Variants in GRIA1 observed in about 807,000 individuals in gnomAD.
The protein encoded by GRIA1 is glutamate receptor 1.
In GRIA1, 31 loss-of-function variants were observed where a neutral mutation model predicts 99.2. The ratio of observed to expected loss-of-function variants is 0.31; its 90% confidence interval spans 0.23 to 0.42. The LOEUF (loss-of-function observed/expected upper bound fraction) is 0.42, where lower values mean the gene tolerates loss of function less well. GRIA1 is among the 10% of genes least tolerant of loss of function. The probability of loss-of-function intolerance (pLI) is 1.00; values close to 1 mark genes in which losing one functional copy is unlikely to be tolerated. For missense variants in GRIA1, 782 were observed against 1,157.5 expected (o/e 0.68, Z 4.71); for synonymous variants, 438 against 432.4 (o/e 1.01, Z -0.16).
upstream of GRIA1, chr5:153,490,274 A>G: frequency 5.7e-6 from 1 of 175,502 alleles, no homozygotes; most frequent in South Asian, 1.4e-4. Flanking sequence ...CTACTGACTT[A>G]CAGCTGAACC....
chr5:153,712,266 G>A (rs373458628), intron 11 of GRIA1, among the ~76,000 whole-genome samples: 1 of 152,072 alleles, frequency 6.6e-6, no homozygotes, highest in African/African-American at 2.4e-5. Context: ...TGGCCAGGCT[G>A]GTCTTGAACT....
chr5:153,739,699 A>C (rs886731188), intron 11 of GRIA1, among the ~76,000 whole-genome samples: 14 of 152,250 alleles, frequency 9.2e-5, no homozygotes, highest in Non-Finnish European at 1.9e-4. Context: ...CTTCCCCTTT[A>C]ATCTTTTCTC....
chr5:153,784,950 C>T (rs145459789), intron 13 of GRIA1, among the ~76,000 whole-genome samples: 12 of 152,218 alleles, frequency 7.9e-5, no homozygotes, highest in East Asian at 3.9e-4. Flanking sequence ...TTGGTTCCTA[C>T]GGAGGCTCTG....
chr5:153,516,150 G>A (rs1756608625), intron 2 of GRIA1, among the ~76,000 whole-genome samples: 1 of 152,102 alleles, frequency 6.6e-6, no homozygotes. Context: ...AACCTGGGAG[G>A]CAGAGATTTC....
chr5:153,532,465 C>G (rs1275988933), intron 2 of GRIA1, among the ~76,000 whole-genome samples: 3 of 152,154 alleles, frequency 2.0e-5, no homozygotes, highest in Non-Finnish European at 4.4e-5. Context: ...GGCAGACACC[C>G]AATAGACAGG....
At chr5:153,658,570 C>T (rs577612661) in intron 5 of GRIA1, among the ~76,000 whole-genome samples, 1 of 152,290 alleles carries the variant, frequency 6.6e-6, no homozygotes, top group South Asian at 2.1e-4. Flanking sequence ...CAGTTTGAAA[C>T]ATAGTCGAGT....
chr5:153,491,101 A>C lies in GRIA1; in HGVS notation c.82+131A>C, dbSNP rs573842460. The C allele has an allele frequency of 2.9e-4, 314 of 1,065,184 alleles. 1 individual carries two copies. Among genetic ancestry groups the C allele is most frequent in the Middle Eastern group, 3.1e-4 (1 of 3,214 alleles). 66.0% of individuals were successfully genotyped at this position (1,065,184 alleles called of 1,614,324 possible). A position where few individuals can be genotyped will look rare whatever the true frequency, so the allele number is the denominator to read the frequency against. The stretch of plus-strand genomic sequence containing the variant: ...CTCCCTAAAGCTGTGCTGCGGTAAC[A>C]GAAGGGAGACTTGGGCTTACAGCCA... On this transcript the variant is annotated intron_variant, in intron 1 of 15. Transcript: ENST00000285900.
At chr5:153,763,235 T>C (rs1763298159) in intron 11 of GRIA1, among the ~76,000 whole-genome samples, 1 of 151,974 alleles carries the variant, frequency 6.6e-6, no homozygotes, top group Admixed American at 6.5e-5. Context: ...ACATATAAGG[T>C]CAACACAGAT....
At chr5:153,735,451 A>G (rs1761319094) in intron 11 of GRIA1, among the ~76,000 whole-genome samples, 1 of 152,186 alleles carries the variant, frequency 6.6e-6, no homozygotes. Context: ...ACGGAACAGA[A>G]TAGGACAGGG....
intron 2 of GRIA1, among the ~76,000 whole-genome samples, chr5:153,618,605 A>G (rs545283771): frequency 6.6e-6 from 1 of 152,266 alleles, no homozygotes; most frequent in East Asian, 1.9e-4. Context: ...CAGTCTGGGG[A>G]CCGAAACAAA....
chr5:153,782,223 C>A (rs1764681038), intron 13 of GRIA1, among the ~76,000 whole-genome samples: 1 of 152,196 alleles, frequency 6.6e-6, no homozygotes, highest in Admixed American at 6.5e-5. Flanking sequence ...ATCAGTGGCA[C>A]AGAGAGACTA....
intron 2 of GRIA1, among the ~76,000 whole-genome samples, chr5:153,539,453 G>A (rs4365885): frequency 0.46 from 70,672 of 152,008 alleles, 18,152 homozygotes; most frequent in Non-Finnish European, 0.59. Flanking sequence ...ATGTGCATAC[G>A]CATTGTGAGT....
At chr5:153,625,294 G>A (rs944592190) in intron 2 of GRIA1, among the ~76,000 whole-genome samples, 1 of 152,112 alleles carries the variant, frequency 6.6e-6, no homozygotes, top group African/African-American at 2.4e-5. Flanking sequence ...TATGACTTTG[G>A]GCAAGGCTCT....
intron 2 of GRIA1, among the ~76,000 whole-genome samples, chr5:153,577,038 A>AGGGG (rs1762608215): frequency 1.1e-5 from 1 of 88,678 alleles, no homozygotes. Context: ...GGGTAGATGA[A>AGGGG]TGGGTGGATG....
At position 153,490,927 on chromosome 5, in the gene GRIA1, A is replaced by T. The variant is rs1185887542; in HGVS notation, c.39A>T (p.Leu13=). ...TTGCCTTCTTCTGCACCGGTTTCCT[A>T]GGCGCGGTAGTAGGTGCCAATTTCC... The part of the protein sequence containing the change: ...HIFAFFCTGF[L]GAVVGANFPN... The change falls in exon 1 of 16, where the codon CTA becomes CTT. Residue 13 remains leucine, a synonymous_variant. Coordinates refer to ENST00000285900, the MANE Select transcript of GRIA1 (RefSeq NM_000827.4). 6.2e-7 allele frequency: 1 copy of T among 1,614,096 alleles called. No individual in the cohort carries two copies. The highest frequency in any genetic ancestry group is 1.7e-5 in the Admixed American group (1 of 60,026).
chr5:153,629,016 G>A (rs1466474994), intron 2 of GRIA1, among the ~76,000 whole-genome samples: 1 of 152,164 alleles, frequency 6.6e-6, no homozygotes, highest in African/African-American at 2.4e-5. Context: ...TTTTACCAAT[G>A]AGAACCTCCA....
intron 2 of GRIA1, among the ~76,000 whole-genome samples, chr5:153,591,208 A>G (rs1272038090): frequency 2.0e-5 from 3 of 152,178 alleles, no homozygotes; most frequent in Non-Finnish European, 4.4e-5. Context: ...TTTATGCCTA[A>G]TTTTATACCA....
At chr5:153,566,718 T>TC (rs976383690) in intron 2 of GRIA1, among the ~76,000 whole-genome samples, 1 of 140,388 alleles carries the variant, frequency 7.1e-6, no homozygotes, top group Non-Finnish European at 1.5e-5. Context: ...AATATTGTCT[T>TC]TTTTTTTTTT....
intron 2 of GRIA1, among the ~76,000 whole-genome samples, chr5:153,522,078 G>T (rs1277423356): frequency 6.6e-6 from 1 of 152,192 alleles, no homozygotes. Flanking sequence ...TGTGTTGGGA[G>T]CTGAGTGCTC....
Sources: gnomAD v4.1 joint callset for allele counts (sites outside exome capture counted in the v4.1 genomes callset) on GRCh38, gnomAD v4.1.1 for gene constraint, MANE v1.5 for transcripts, NCBI Gene and HGNC (gene_info 2026-07-23, HGNC 2026-07-21) for gene names.